BLNK: variants seen among roughly 807,000 people sequenced by gnomAD.
BLNK encodes B-cell linker protein.
BLNK carries 29 observed loss-of-function variants against 73.5 expected under a neutral mutation model. The observed-to-expected ratio is 0.39, with a 90% CI of 0.29 to 0.54. The LOEUF is 0.54. BLNK is among the 20% of genes least tolerant of loss of function. The probability of loss-of-function intolerance (pLI) is 0.61; values close to 1 mark genes in which losing one functional copy is unlikely to be tolerated. For synonymous variants in BLNK, 176 were observed against 200.8 expected (o/e 0.88, Z 1.04); for missense variants, 460 against 562.8 (o/e 0.82, Z 1.85).
chr10:96,230,845 A>T lies in BLNK; in HGVS notation c.164-11T>A. ...CGTCAGCAGGGCTCTCTGCAACAGC[A>T]GGGGAGAAGCAGAAGGCACAAGTGT... On this transcript the variant is annotated splice_polypyrimidine_tract_variant and intron_variant, in intron 3 of 16. Coordinates refer to ENST00000224337, the MANE Select transcript of BLNK (RefSeq NM_013314.4). The T allele has an allele frequency of 6.2e-7, 1 of 1,610,626 alleles. No individual in the cohort carries two copies. Among genetic ancestry groups the T allele is most frequent in the Non-Finnish European group, 8.5e-7 (1 of 1,178,632 alleles).
chr10:96,270,204 T>C (rs987281615), intron 1 of BLNK, among the ~76,000 whole-genome samples: 1 of 152,214 alleles, frequency 6.6e-6, no homozygotes, highest in Non-Finnish European at 1.5e-5. Flanking sequence ...AGATCATTGA[T>C]GCATTTCACA....
rs117132204 is a variant in BLNK, at chr10:96,246,084, C to T, written c.113+900G>A. On this transcript the variant is annotated intron_variant, in intron 2 of 16. Coordinates refer to ENST00000224337, the MANE Select transcript of BLNK (RefSeq NM_013314.4). ...AAGGTATATAAGACCTACTAAGGTA[C>T]GTCTACCTTAGATTTTGAGTGGCAA... Among the ~76,000 whole-genome samples the T allele has an allele frequency of 1.5e-3, 227 of 151,828 alleles. 1 individual carries two copies. Among genetic ancestry groups the T allele is most frequent in the African/African-American group, 5.4e-3 (225 of 41,366 alleles).
At chr10:96,225,984 T>C (rs1416154704) in intron 5 of BLNK, among the ~76,000 whole-genome samples, 2 of 152,102 alleles carry the variant, frequency 1.3e-5, no homozygotes, top group African/African-American at 4.8e-5. Flanking sequence ...CCACCCTGAA[T>C]TGCAGTAGCC....
At chr10:96,238,122 G>C (rs1033050772) in intron 3 of BLNK, among the ~76,000 whole-genome samples, 2 of 152,224 alleles carry the variant, frequency 1.3e-5, no homozygotes, top group Non-Finnish European at 2.9e-5. Flanking sequence ...TGCTGGGTCT[G>C]AACTGAAGGC....
intron 2 of BLNK, among the ~76,000 whole-genome samples, chr10:96,246,452 C>T (rs1274002377): frequency 3.3e-5 from 5 of 152,200 alleles, no homozygotes; most frequent in Middle Eastern, 3.4e-3. Context: ...TTCGCTGGGC[C>T]GAGGCAGGAG....
intron 4 of BLNK, among the ~76,000 whole-genome samples, chr10:96,229,918 G>A (rs1036973053): frequency 6.6e-6 from 1 of 152,134 alleles, no homozygotes; most frequent in Non-Finnish European, 1.5e-5. Context: ...CTGGGCACAG[G>A]ACTGGAGGTC....
intron 8 of BLNK, among the ~76,000 whole-genome samples, chr10:96,210,911 C>T (rs1435893037): frequency 6.8e-6 from 1 of 148,036 alleles, no homozygotes; most frequent in Admixed American, 6.7e-5. Context: ...TTCTGTCACC[C>T]AGGCTGGAGT....
chr10:96,244,516 T>C (rs191803106), intron 2 of BLNK, among the ~76,000 whole-genome samples: 12 of 152,328 alleles, frequency 7.9e-5, no homozygotes, highest in Admixed American at 4.6e-4. Context: ...CTCCTTATTT[T>C]CTCATGCGGC....
intron 1 of BLNK, among the ~76,000 whole-genome samples, chr10:96,250,036 G>A (rs1554908706): frequency 6.6e-6 from 1 of 152,216 alleles, no homozygotes; most frequent in East Asian, 1.9e-4. Flanking sequence ...AAATGTATGT[G>A]TCAGGGGTCT....
At position 96,215,365 on chromosome 10, in the gene BLNK, T is replaced by C. The variant is rs782130975; in HGVS notation, c.632A>G (p.Lys211Arg). The C allele has an allele frequency of 3.1e-6, 5 of 1,613,982 alleles. No homozygotes were observed. The highest frequency in any genetic ancestry group is 1.1e-5 in the South Asian group (1 of 91,072). The change falls in exon 8 of 17, where the codon AAG becomes AGG. Residue 211 changes from lysine to arginine, a missense_variant. This residue lies in a region of BLNK where 233 missense variants were observed against 232.1 expected (regional missense o/e 1.00). Coordinates refer to ENST00000224337, the MANE Select transcript of BLNK (RefSeq NM_013314.4). The stretch of plus-strand genomic sequence containing the variant: ...AGAGGCGGGCGTTGAGGAATTTGGC[T>C]TGGTTGATCTATTCACCATGGGAGC... ...EKAPMVNRST[K>R]PNSSTPASPP...
At chr10:96,252,194 G>A (rs1843313316) in intron 1 of BLNK, among the ~76,000 whole-genome samples, 1 of 152,092 alleles carries the variant, frequency 6.6e-6, no homozygotes, top group African/African-American at 2.4e-5. Flanking sequence ...TGAGAATACA[G>A]GCACCTGCCA....
At chr10:96,218,177 G>A (rs1201194270) in intron 6 of BLNK, among the ~76,000 whole-genome samples, 1 of 152,148 alleles carries the variant, frequency 6.6e-6, no homozygotes, top group Non-Finnish European at 1.5e-5. Flanking sequence ...TCTCAAAACT[G>A]GTTTTTACCA....
Position 96,200,025 on chromosome 10 carries a change from T to C in BLNK, c.1095+50A>G, listed in dbSNP as rs781874213. On this transcript the variant is annotated intron_variant, in intron 15 of 16. Transcript: ENST00000224337. This position sits in a 1 kb window ranked among gnomAD's most constrained non-coding sequence, Gnocchi z 4.3. ...TGAAACTGCATCATCTCAAAACAAA[T>C]AAATAAAATAAAATAAAATAAAAAT... is the stretch of plus-strand genomic sequence containing the variant. 475 of 1,258,532 alleles carry C rather than the reference T, an allele frequency of 3.8e-4. 2 individuals carry two copies. Among genetic ancestry groups the C allele is most frequent in the Non-Finnish European group, 4.7e-4 (454 of 969,992 alleles). 78.0% of individuals were successfully genotyped at this position (1,258,532 alleles called of 1,614,324 possible).
intron 2 of BLNK, among the ~76,000 whole-genome samples, chr10:96,244,061 G>T (rs1250417265): frequency 2.0e-5 from 3 of 151,852 alleles, no homozygotes; most frequent in African/African-American, 4.8e-5. Context: ...AACCAAAATT[G>T]TAATTTGCAA....
chr10:96,222,469 G>A (rs7077062), intron 6 of BLNK, among the ~76,000 whole-genome samples: 73,457 of 152,040 alleles, frequency 0.48, 18,481 homozygotes, highest in East Asian at 0.77. Context: ...CAGTTACTAC[G>A]ACAGCTTGGA....
intron 6 of BLNK, among the ~76,000 whole-genome samples, chr10:96,221,321 T>G (rs1379145821): frequency 6.6e-6 from 1 of 152,260 alleles, no homozygotes; most frequent in Non-Finnish European, 1.5e-5. Context: ...CCTCCAGCTC[T>G]CTGTTTAGCC....
At chr10:96,238,851 G>T (rs4918997) in intron 3 of BLNK, 315,153 of 317,774 alleles carry the variant, frequency 0.99, 156,292 homozygotes, top group East Asian at 1. Context: ...TAAAATCTAC[G>T]TGTCTTTCAG....
At chr10:96,214,752 C>T (rs587767690) in intron 8 of BLNK, among the ~76,000 whole-genome samples, 29 of 152,194 alleles carry the variant, frequency 1.9e-4, no homozygotes, top group South Asian at 6.2e-4. Flanking sequence ...AATCGATGAA[C>T]GCTACAGAAG....
intron 8 of BLNK, among the ~76,000 whole-genome samples, chr10:96,214,575 G>A (rs1261213796): frequency 6.6e-6 from 1 of 152,136 alleles, no homozygotes; most frequent in Non-Finnish European, 1.5e-5. Flanking sequence ...AGGATTTGGA[G>A]CATGTGGCCT....
Sources: allele counts gnomAD v4.1 joint callset (sites outside exome capture counted in the v4.1 genomes callset), GRCh38; gene constraint gnomAD v4.1.1; regional missense constraint gnomAD v4.1.1; non-coding constraint Gnocchi (gnomAD v3.1); transcripts MANE v1.5; gene names NCBI Gene and HGNC (gene_info 2026-07-23, HGNC 2026-07-21).